The following RABGAP1L variants were observed in gnomAD, a reference collection of about 807,000 sequenced individuals.
The protein encoded by RABGAP1L is RAB GTPase activating protein 1 like, also known as rab GTPase-activating protein 1-like.
RABGAP1L carries 63 observed loss-of-function variants against 137.7 expected under a neutral mutation model. The observed-to-expected ratio is 0.46, with a 90% CI of 0.37 to 0.56. RABGAP1L has a LOEUF of 0.56. RABGAP1L is among the 20% of genes least tolerant of loss of function. The probability of loss-of-function intolerance (pLI) is 0.00; values close to 1 mark genes in which losing one functional copy is unlikely to be tolerated. For synonymous variants in RABGAP1L, 431 were observed against 433.7 expected, an observed-to-expected ratio of 0.99 and a Z score of 0.08; for missense variants, 1,095 against 1,244.0, an observed-to-expected ratio of 0.88 and a Z score of 1.80.
intron 1 of RABGAP1L, among the ~76,000 whole-genome samples, chr1:174,162,777 G>GTTTTTTTTT (rs67811794): frequency 2.1e-4 from 11 of 51,548 alleles, no homozygotes; most frequent in East Asian, 2.2e-3. Context: ...TTCTCTTTCT[G>GTTTTTTTTT]TTTTTTTTTT....
chr1:174,278,200 T>A (rs1675168265), intron 9 of RABGAP1L, among the ~76,000 whole-genome samples: 1 of 152,022 alleles, frequency 6.6e-6, no homozygotes, highest in Non-Finnish European at 1.5e-5. Context: ...GTCAGGAGTT[T>A]GAGACCAGCC....
At chr1:174,177,424 G>A (rs531558304) in intron 1 of RABGAP1L, among the ~76,000 whole-genome samples, 2 of 152,276 alleles carry the variant, frequency 1.3e-5, no homozygotes, top group South Asian at 4.1e-4. Context: ...CTCCCGTTCT[G>A]TAGGTTGCCT....
At chr1:174,975,458 A>G (rs1166158386) in intron 21 of RABGAP1L, among the ~76,000 whole-genome samples, 9 of 152,026 alleles carry the variant, frequency 5.9e-5, no homozygotes. Flanking sequence ...CCATATTTCC[A>G]TTTTCTTCAT....
chr1:174,807,675 G>A (rs1689444405), intron 18 of RABGAP1L, among the ~76,000 whole-genome samples: 1 of 152,116 alleles, frequency 6.6e-6, no homozygotes, highest in Non-Finnish European at 1.5e-5. Flanking sequence ...CTGGCAGCAA[G>A]GTTTTTGTTT....
In RABGAP1L at chr1:174,244,686, G is replaced by A. The variant is rs142317228; in HGVS notation, c.717+3029G>A. On this transcript the variant is annotated intron_variant, in intron 5 of 25. Transcript: ENST00000681986. The stretch of plus-strand genomic sequence containing the variant: ...CTTCTGCTGAAGAATTGCAGACCAA[G>A]CAAGGTATCAGAAAGTGTAGTGAAA... 1.2e-3 allele frequency: 190 copies of A among 152,272 alleles called. 1 individual carries two copies. The highest frequency in any genetic ancestry group is 4.5e-3 in the African/African-American group (186 of 41,554). 9.4% of individuals were successfully genotyped at this position (152,272 alleles called of 1,614,324 possible).
At chr1:174,349,385 G>A (rs976428007) in intron 11 of RABGAP1L, among the ~76,000 whole-genome samples, 12 of 136,536 alleles carry the variant, frequency 8.8e-5, no homozygotes, top group Non-Finnish European at 1.4e-4. Context: ...CCTCCCGGAC[G>A]GGGCGGCTGG....
At chr1:174,788,553 C>T (rs375038095) in intron 18 of RABGAP1L, among the ~76,000 whole-genome samples, 3 of 152,210 alleles carry the variant, frequency 2.0e-5, no homozygotes, top group African/African-American at 7.2e-5. Flanking sequence ...TACCTTCAGT[C>T]TCTTCCTCTC....
intron 13 of RABGAP1L, among the ~76,000 whole-genome samples, chr1:174,568,264 C>A (rs189797708): frequency 6.6e-6 from 1 of 152,252 alleles, no homozygotes; most frequent in African/African-American, 2.4e-5. Context: ...GGTGCTAAGC[C>A]ATTTATGAGG....
chr1:174,207,023 G>T (rs1668550683), intron 1 of RABGAP1L, among the ~76,000 whole-genome samples: 2 of 152,082 alleles, frequency 1.3e-5, no homozygotes, highest in Non-Finnish European at 2.9e-5. Flanking sequence ...ATGGATAGAA[G>T]AAACAAAACA....
chr1:174,586,795 C>T (rs886899055), intron 13 of RABGAP1L, among the ~76,000 whole-genome samples: 19 of 152,062 alleles, frequency 1.2e-4, no homozygotes, highest in East Asian at 1.9e-4. Flanking sequence ...AGGGTTTCAC[C>T]GTGTTGGTCA....
In RABGAP1L at chr1:174,232,501, T is replaced by A. The variant is rs971589099; in HGVS notation, c.542+1146T>A. On this transcript the variant is annotated intron_variant, in intron 4 of 25. Coordinates refer to ENST00000681986, the MANE Select transcript of RABGAP1L (RefSeq NM_001366446.1). Reference sequence around the variant, plus strand: ...CATCTCAATTAAAAAAAAAAAAAAGTGGCCGGGCGCGGTGGCTCAAGCCTG... The same window carrying A: ...CATCTCAATTAAAAAAAAAAAAAAGAGGCCGGGCGCGGTGGCTCAAGCCTG... Among the ~76,000 whole-genome samples, 19 of 129,058 alleles carry A rather than the reference T, an allele frequency of 1.5e-4. No individual in the cohort carries two copies. The South Asian group carries it at 4.2e-3, about 28-fold the overall frequency. 84.7% of individuals were successfully genotyped at this position (129,058 alleles called of 152,430 possible).
chr1:174,436,894 C>T (rs941528292), intron 13 of RABGAP1L, among the ~76,000 whole-genome samples: 42 of 152,210 alleles, frequency 2.8e-4, no homozygotes, highest in African/African-American at 1.0e-3. Flanking sequence ...GATCAGGCAG[C>T]AGCATTTGCG....
intron 13 of RABGAP1L, among the ~76,000 whole-genome samples, chr1:174,631,627 G>A (rs1290564031): frequency 2.3e-5 from 2 of 88,546 alleles, no homozygotes; most frequent in Non-Finnish European, 4.2e-5. Flanking sequence ...TTGTTGAATT[G>A]ATCCCTTTAC....
At chr1:174,757,004 A>G in intron 18 of RABGAP1L, 1 of 798,712 alleles carries the variant, frequency 1.3e-6, no homozygotes, top group Non-Finnish European at 2.0e-6. Context: ...GGCCTTGTCA[A>G]AGCACCCTTC....
intron 15 of RABGAP1L, among the ~76,000 whole-genome samples, chr1:174,686,206 A>T (rs1678446742): frequency 6.6e-6 from 1 of 152,224 alleles, no homozygotes; most frequent in African/African-American, 2.4e-5. Context: ...GGAAGTGAAG[A>T]GCAATTATAG....
At chr1:174,712,311 C>A (rs552213697) in intron 17 of RABGAP1L, among the ~76,000 whole-genome samples, 1 of 152,174 alleles carries the variant, frequency 6.6e-6, no homozygotes, top group African/African-American at 2.4e-5. Context: ...TCTTTGGGTC[C>A]GCACTGCCTT....
chr1:174,327,505 C>T (rs1382717987), intron 11 of RABGAP1L, among the ~76,000 whole-genome samples: 2 of 151,110 alleles, frequency 1.3e-5, no homozygotes, highest in Non-Finnish European at 3.0e-5. Flanking sequence ...AAATACAATA[C>T]AAATAAAAAG....
At chr1:174,645,653 A>G (rs1674909287) in intron 14 of RABGAP1L, among the ~76,000 whole-genome samples, 1 of 152,062 alleles carries the variant, frequency 6.6e-6, no homozygotes. Flanking sequence ...AGTTTTTGCT[A>G]TTGTGAATAG....
intron 13 of RABGAP1L, among the ~76,000 whole-genome samples, chr1:174,499,034 C>T (rs1387382675): frequency 6.6e-6 from 1 of 151,152 alleles, no homozygotes; most frequent in Non-Finnish European, 1.5e-5. Context: ...TTATTTACCC[C>T]CTCATTTTTT....
Sources: gnomAD v4.1 joint callset for allele counts (sites outside exome capture counted in the v4.1 genomes callset) on GRCh38, gnomAD v4.1.1 for gene constraint, MANE v1.5 for transcripts, NCBI Gene and HGNC (gene_info 2026-07-23, HGNC 2026-07-21) for gene names.